The following SYCP1 variants were observed in gnomAD, a reference collection of about 807,000 sequenced individuals.
The protein encoded by SYCP1 is synaptonemal complex protein 1.
SYCP1 carries 64 observed loss-of-function variants against 153.1 expected under a neutral mutation model. That is an observed-to-expected ratio of 0.42 (90% CI 0.34 to 0.51). The LOEUF (loss-of-function observed/expected upper bound fraction) is 0.51. Ranked by LOEUF, SYCP1 falls within the 20% of genes least tolerant of loss-of-function variation. The pLI, the probability that SYCP1 is intolerant of heterozygous loss-of-function variation, is 0.06. For missense variants in SYCP1, 997 were observed against 1,049.0 expected, an observed-to-expected ratio of 0.95 and a Z score of 0.68; for synonymous variants, 384 against 341.8, an observed-to-expected ratio of 1.12 and a Z score of -1.36.
chr1:114,945,603 C>T (rs975824109), intron 25 of SYCP1, among the ~76,000 whole-genome samples: 1 of 151,806 alleles, frequency 6.6e-6, no homozygotes, highest in African/African-American at 2.4e-5. Context: ...GATTTGAACA[C>T]ATTTGGTATG....
At chr1:114,916,424 C>T (rs1668510850) in intron 20 of SYCP1, among the ~76,000 whole-genome samples, 1 of 151,800 alleles carries the variant, frequency 6.6e-6, no homozygotes, top group African/African-American at 2.4e-5. Context: ...CATTGTAAAC[C>T]ATGCAATACA....
intron 27 of SYCP1, among the ~76,000 whole-genome samples, chr1:114,975,000 C>T (rs1373957713): frequency 6.6e-6 from 1 of 151,684 alleles, no homozygotes; most frequent in Non-Finnish European, 1.5e-5. Context: ...TTGTTATTTC[C>T]TATTCATTTG....
chr1:114,950,024 T>C (rs2101841445), intron 27 of SYCP1, among the ~76,000 whole-genome samples: 1 of 152,342 alleles, frequency 6.6e-6, no homozygotes, highest in South Asian at 2.1e-4. Context: ...TAGATTGTTT[T>C]ATTCAAAATG....
At chr1:114,994,499 G>T (rs1674140740) in intron 30 of SYCP1, among the ~76,000 whole-genome samples, 199 bp from the exon 31 acceptor site, 1 of 151,116 alleles carries the variant, frequency 6.6e-6, no homozygotes, top group Non-Finnish European at 1.5e-5. Flanking sequence ...GATTTATTTT[G>T]TTACTGTTTT....
intron 27 of SYCP1, among the ~76,000 whole-genome samples, chr1:114,956,680 C>T (rs932593469): frequency 2.6e-5 from 4 of 152,172 alleles, no homozygotes; most frequent in Non-Finnish European, 5.9e-5. Flanking sequence ...CTAGTACCCT[C>T]CTTGGATCTT....
At chr1:114,960,163 GTTTTTTTTTT>G (rs757126453) in intron 27 of SYCP1, among the ~76,000 whole-genome samples, 6 of 109,476 alleles carry the variant, frequency 5.5e-5, no homozygotes, top group Non-Finnish European at 9.2e-5. Flanking sequence ...TAGTTTGCTT[GTTTTTTTTTT>G]TTTTTTTTTT....
At chr1:114,861,471 C>T (rs1458614102) in intron 8 of SYCP1, among the ~76,000 whole-genome samples, 5 of 152,086 alleles carry the variant, frequency 3.3e-5, no homozygotes, top group African/African-American at 1.2e-4. Flanking sequence ...TGTCTACCTG[C>T]TTTTTCGGGA....
chr1:114,906,787 A>C (rs1234804160), intron 16 of SYCP1, among the ~76,000 whole-genome samples: 2 of 152,190 alleles, frequency 1.3e-5, no homozygotes, highest in East Asian at 3.9e-4. Context: ...TTCCATGTGC[A>C]CTGAAAATAA....
chr1:114,926,775 C>T (rs1326351498), intron 23 of SYCP1, among the ~76,000 whole-genome samples: 1 of 151,974 alleles, frequency 6.6e-6, no homozygotes, highest in Non-Finnish European at 1.5e-5. Context: ...CACATATATT[C>T]TTAAGCTTGG....
chr1:114,854,427 C>G (rs868330343), upstream of SYCP1, among the ~76,000 whole-genome samples: 3 of 152,176 alleles, frequency 2.0e-5, no homozygotes, highest in Admixed American at 1.3e-4. Flanking sequence ...CGTGAGCCAC[C>G]GGCCCGCCTA....
intron 7 of SYCP1, among the ~76,000 whole-genome samples, 163 bp downstream of exon 7, chr1:114,859,973 C>T (rs1664265437): frequency 6.6e-6 from 1 of 152,084 alleles, no homozygotes; most frequent in South Asian, 2.1e-4. Flanking sequence ...GATGTACATT[C>T]TTGTGTTTGG....
chr1:114,958,129 C>A (rs919563258), intron 27 of SYCP1, among the ~76,000 whole-genome samples: 1 of 152,188 alleles, frequency 6.6e-6, no homozygotes, highest in African/African-American at 2.4e-5. Flanking sequence ...GAAACTTTGT[C>A]ATTTGCAACT....
chr1:114,910,232 C>G, intron 16 of SYCP1, 165 bp from the exon 17 acceptor site: 1 of 458,486 alleles, frequency 2.2e-6, no homozygotes, highest in Non-Finnish European at 4.0e-6. Flanking sequence ...TGTCTGTCAT[C>G]ATGTTTAGTC....
chr1:114,904,819 A>G (rs1667711444), intron 16 of SYCP1, among the ~76,000 whole-genome samples: 1 of 152,192 alleles, frequency 6.6e-6, no homozygotes, highest in African/African-American at 2.4e-5. Context: ...TTTTACCATT[A>G]AGTTATGATG....
At chr1:114,974,225 A>T (rs1557844862) in intron 27 of SYCP1, among the ~76,000 whole-genome samples, 3 of 150,834 alleles carry the variant, frequency 2.0e-5, no homozygotes, top group Admixed American at 6.6e-5. Context: ...TCTGTAATAA[A>T]CTCTATTTGG....
chr1:114,957,948 A>G (rs1452248573), intron 27 of SYCP1, among the ~76,000 whole-genome samples: 3 of 152,226 alleles, frequency 2.0e-5, no homozygotes, highest in Non-Finnish European at 4.4e-5. Context: ...TATCCAAAAG[A>G]AAGGAAATCA....
At chr1:114,933,565 GAGA>G (rs1381879877) in intron 23 of SYCP1, among the ~76,000 whole-genome samples, 3 of 152,208 alleles carry the variant, frequency 2.0e-5, no homozygotes, top group East Asian at 3.9e-4. Flanking sequence ...GATGAGTTGA[GAGA>G]AGAAGGCTTC....
At chr1:114,903,085 A>T (rs1256087036) in intron 16 of SYCP1, among the ~76,000 whole-genome samples, 2 of 152,108 alleles carry the variant, frequency 1.3e-5, no homozygotes, top group African/African-American at 2.4e-5. Flanking sequence ...GGAGGCTGAG[A>T]CAGAGAATCG....
At chr1:114,886,004 G>T in intron 13 of SYCP1, 121 bp from the exon 14 acceptor site, 1 of 609,968 alleles carries the variant, frequency 1.6e-6, no homozygotes. Context: ...GTAGGAAGGA[G>T]GAATAATAGG....
Sources: gnomAD v4.1 joint callset for allele counts (sites outside exome capture counted in the v4.1 genomes callset) on GRCh38, gnomAD v4.1.1 for gene constraint, MANE v1.5 for transcripts, NCBI Gene and HGNC (gene_info 2026-07-23, HGNC 2026-07-21) for gene names.